The following GMDS variants were observed in gnomAD, a reference collection of about 807,000 sequenced individuals.
The protein encoded by GMDS is GDP-mannose 4,6 dehydratase.
In GMDS, 20 loss-of-function variants were observed where a neutral mutation model predicts 49.9. That is an observed-to-expected ratio of 0.40 (90% CI 0.28 to 0.58). GMDS has a LOEUF of 0.58. Among genes scored for constraint, GMDS ranks in the 20% least tolerant of loss-of-function variants. The pLI, the probability that GMDS is intolerant of heterozygous loss-of-function variation, is 0.42. For synonymous variants in GMDS, 177 were observed against 178.6 expected, an observed-to-expected ratio of 0.99 and a Z score of 0.07; for missense variants, 362 against 481.4, an observed-to-expected ratio of 0.75 and a Z score of 2.32.
chr6:2,082,622 A>G (rs1296046248), intron 4 of GMDS, among the ~76,000 whole-genome samples: 3 of 152,256 alleles, frequency 2.0e-5, no homozygotes, highest in Non-Finnish European at 4.4e-5. Context: ...GTCTGAGAGC[A>G]TCTAAAACAG....
At chr6:2,063,901 A>T (rs1457505573) in intron 4 of GMDS, among the ~76,000 whole-genome samples, 1 of 152,258 alleles carries the variant, frequency 6.6e-6, no homozygotes, top group South Asian at 2.1e-4. Flanking sequence ...TTAAAAGAAC[A>T]GCAATAAATA....
intron 4 of GMDS, among the ~76,000 whole-genome samples, chr6:2,058,517 T>G (rs1372808642): frequency 2.6e-5 from 4 of 151,228 alleles, no homozygotes; most frequent in African/African-American, 9.7e-5. Flanking sequence ...CTCATGAGAG[T>G]GTAGAGCTAT....
intron 9 of GMDS, among the ~76,000 whole-genome samples, chr6:1,684,281 C>T (rs143344517): frequency 5.9e-5 from 9 of 152,248 alleles, no homozygotes; most frequent in African/African-American, 2.4e-5. Context: ...CAGGGCAGAG[C>T]GGTTGTGGAA....
chr6:2,044,374 T>C (rs1468190249), intron 4 of GMDS, among the ~76,000 whole-genome samples: 1 of 152,140 alleles, frequency 6.6e-6, no homozygotes, highest in Non-Finnish European at 1.5e-5. Context: ...TGGAATACTA[T>C]GCAGCCGTAA....
chr6:1,824,930 G>A (rs1403405701), intron 7 of GMDS, among the ~76,000 whole-genome samples: 1 of 152,156 alleles, frequency 6.6e-6, no homozygotes, highest in East Asian at 1.9e-4. Flanking sequence ...TCAGGGGCAT[G>A]CACTATCATA....
intron 1 of GMDS, among the ~76,000 whole-genome samples, chr6:2,237,579 T>G (rs1436966322): frequency 6.8e-6 from 1 of 146,370 alleles, no homozygotes; most frequent in Non-Finnish European, 1.5e-5. Flanking sequence ...TGGAGTACAG[T>G]GGTATGATCT....
At chr6:1,965,642 G>A (rs1764220371) in intron 4 of GMDS, among the ~76,000 whole-genome samples, 2 of 152,052 alleles carry the variant, frequency 1.3e-5, no homozygotes, top group African/African-American at 4.8e-5. Flanking sequence ...GGGAAACACA[G>A]CAAGGTCCTA....
chr6:2,183,847 A>G (rs1778661874), intron 1 of GMDS, among the ~76,000 whole-genome samples: 1 of 152,178 alleles, frequency 6.6e-6, no homozygotes, highest in Admixed American at 6.5e-5. Context: ...ATAGATTACA[A>G]CTCACTGAAG....
At chr6:2,026,106 C>A (rs1768583095) in intron 4 of GMDS, among the ~76,000 whole-genome samples, 1 of 152,172 alleles carries the variant, frequency 6.6e-6, no homozygotes, top group Admixed American at 6.6e-5. Flanking sequence ...AGAACAATTA[C>A]TTTAGTTCAA....
chr6:2,015,129 T>C (rs1767808805), intron 4 of GMDS, among the ~76,000 whole-genome samples: 1 of 152,116 alleles, frequency 6.6e-6, no homozygotes. Context: ...CCTCCCTCTA[T>C]CAGTAATTCA....
chr6:1,817,809 C>T (rs1019909078), intron 7 of GMDS, among the ~76,000 whole-genome samples: 6 of 152,148 alleles, frequency 3.9e-5, no homozygotes, highest in African/African-American at 9.6e-5. Flanking sequence ...CACCCTAGGA[C>T]GGAGGTAAAA....
intron 8 of GMDS, among the ~76,000 whole-genome samples, chr6:1,730,886 T>C (rs1766774978): frequency 6.6e-6 from 1 of 151,594 alleles, no homozygotes; most frequent in Non-Finnish European, 1.5e-5. Context: ...GAAAATCACA[T>C]ATATGAAAAA....
intron 7 of GMDS, among the ~76,000 whole-genome samples, chr6:1,770,805 C>A (rs1283578029): frequency 6.6e-6 from 1 of 152,170 alleles, no homozygotes; most frequent in Non-Finnish European, 1.5e-5. Context: ...AGTCTGCATA[C>A]CAAAAGCATC....
At position 1,869,833 on chromosome 6, in the gene GMDS, T is replaced by C. The variant is rs115722618; in HGVS notation, c.771+60270A>G. Among the ~76,000 whole-genome samples the C allele has an allele frequency of 5.1e-3, 773 of 152,332 alleles. 11 individuals carry two copies. The highest frequency in any genetic ancestry group is 0.017 in the African/African-American group (726 of 41,570). On this transcript the variant is annotated intron_variant, in intron 7 of 10. Coordinates refer to ENST00000380815, the MANE Select transcript of GMDS (RefSeq NM_001500.4). ...GGACCCACTGATCCCTGGCTCTTCC[T>C]CCTGGATGTGCTACTGTTACAAAAG...
intron 9 of GMDS, among the ~76,000 whole-genome samples, chr6:1,636,298 G>A (rs373247745): frequency 3.3e-5 from 5 of 152,178 alleles, no homozygotes; most frequent in Non-Finnish European, 5.9e-5. Context: ...GCCTGTTGGC[G>A]TAGAAAGTAG....
At chr6:2,205,352 C>A (rs992349884) in intron 1 of GMDS, among the ~76,000 whole-genome samples, 1 of 152,170 alleles carries the variant, frequency 6.6e-6, no homozygotes, top group African/African-American at 2.4e-5. Flanking sequence ...TCCTTAAGTT[C>A]AATCCTGTAG....
At chr6:2,167,781 CA>C (rs1403075129) in intron 1 of GMDS, among the ~76,000 whole-genome samples, 2 of 152,108 alleles carry the variant, frequency 1.3e-5, no homozygotes, top group South Asian at 4.2e-4. Flanking sequence ...GCTCCCATCA[CA>C]AGTTACACAG....
intron 9 of GMDS, among the ~76,000 whole-genome samples, chr6:1,658,129 G>T (rs1331614645): frequency 6.6e-6 from 1 of 152,226 alleles, no homozygotes; most frequent in Non-Finnish European, 1.5e-5. Context: ...ACATAATTTT[G>T]AGGGTTATTT....
intron 9 of GMDS, among the ~76,000 whole-genome samples, chr6:1,665,545 T>C (rs941671880): frequency 6.6e-6 from 1 of 152,210 alleles, no homozygotes; most frequent in Non-Finnish European, 1.5e-5. Context: ...GTTCACTTTA[T>C]ACATTACTTT....
Sources: gnomAD v4.1 joint callset for allele counts (sites outside exome capture counted in the v4.1 genomes callset) on GRCh38, gnomAD v4.1.1 for gene constraint, MANE v1.5 for transcripts, NCBI Gene and HGNC (gene_info 2026-07-23, HGNC 2026-07-21) for gene names.